SLC38A9: variants seen among roughly 807,000 people sequenced by gnomAD.
SLC38A9 encodes the protein neutral amino acid transporter 9.
Under a neutral mutation model 62.3 loss-of-function variants are expected in SLC38A9, and 48 were observed. That is an observed-to-expected ratio of 0.77 (90% CI 0.61 to 0.98). The LOEUF (loss-of-function observed/expected upper bound fraction) is 0.98, where lower values mean the gene tolerates loss of function less well. SLC38A9 is among the 50% of genes least tolerant of loss of function. SLC38A9 has a pLI of 0.00. For missense variants in SLC38A9, 541 were observed against 679.8 expected, an observed-to-expected ratio of 0.80 and a Z score of 2.27; for synonymous variants, 204 against 227.7, an observed-to-expected ratio of 0.90 and a Z score of 0.94.
intron 3 of SLC38A9, among the ~76,000 whole-genome samples, chr5:55,677,926 T>TTGTGTGTGTG (rs10682261): frequency 0.021 from 2,405 of 112,154 alleles, 108 homozygotes; most frequent in Admixed American, 0.073. Context: ...TTTTTCTTTA[T>TTGTGTGTGTG]TGTGTGTGTG....
At chr5:55,639,272 T>TTAAAAAAAAAAAAAAAA (rs1391586466) in intron 12 of SLC38A9, among the ~76,000 whole-genome samples, 1 of 54,650 alleles carries the variant, frequency 1.8e-5, no homozygotes, top group African/African-American at 6.9e-5. Context: ...AAACTCTGTC[T>TTAAAAAAAAAAAAAAAA]AAAAAAAAAA....
At chr5:55,646,403 A>G (rs907366081) in intron 11 of SLC38A9, among the ~76,000 whole-genome samples, 5 of 152,174 alleles carry the variant, frequency 3.3e-5, no homozygotes, top group African/African-American at 1.2e-4. Flanking sequence ...CAGGTGCTTT[A>G]TATCAATTAT....
At chr5:55,689,135 A>C (rs1477337200) in intron 3 of SLC38A9, among the ~76,000 whole-genome samples, 1 of 152,220 alleles carries the variant, frequency 6.6e-6, no homozygotes, top group East Asian at 1.9e-4. Flanking sequence ...ATAAACTATA[A>C]ACTACTGAAG....
intron 4 of SLC38A9, 63 bp from the exon 5 acceptor site, chr5:55,669,942 C>T (rs1751024913): frequency 9.6e-6 from 14 of 1,455,688 alleles, no homozygotes; most frequent in Non-Finnish European, 1.3e-5. Flanking sequence ...ATATTTGTTA[C>T]ACATCAGAAC....
chr5:55,688,849 CA>C (rs1561418315), intron 3 of SLC38A9, among the ~76,000 whole-genome samples: 1 of 152,046 alleles, frequency 6.6e-6, no homozygotes, highest in Non-Finnish European at 1.5e-5. Context: ...TGTATTTTAA[CA>C]TGTAAATTCC....
intron 7 of SLC38A9, among the ~76,000 whole-genome samples, chr5:55,665,702 G>C (rs1750352825): frequency 6.6e-6 from 1 of 152,104 alleles, no homozygotes; most frequent in South Asian, 2.1e-4. Context: ...GGTGGCTCAG[G>C]TCTGTAATCC....
intron 3 of SLC38A9, among the ~76,000 whole-genome samples, chr5:55,687,646 C>G (rs574762727): frequency 2.0e-5 from 3 of 151,826 alleles, no homozygotes; most frequent in Admixed American, 2.0e-4. Flanking sequence ...TTGTAGAGAT[C>G]TTTCACTTCC....
intron 8 of SLC38A9, among the ~76,000 whole-genome samples, chr5:55,663,294 T>TA (rs1749919938): frequency 7.5e-5 from 1 of 13,342 alleles, no homozygotes; most frequent in Admixed American, 1.2e-3. Flanking sequence ...ACTCTGTCTC[T>TA]ACAAAAAAAA....
chr5:55,672,717 G>C, intron 3 of SLC38A9, 22 bp from the exon 4 acceptor site: 1 of 1,589,802 alleles, frequency 6.3e-7, no homozygotes, highest in Non-Finnish European at 8.5e-7. Flanking sequence ...ATATACACTT[G>C]ACAAAAAGTG....
At chr5:55,634,984 T>C (rs1394901847) in intron 13 of SLC38A9, 1 of 151,884 alleles carries the variant, frequency 6.6e-6, no homozygotes, top group Non-Finnish European at 1.5e-5. Context: ...CTTTTTTTTT[T>C]TTTTTAACCC....
intron 2 of SLC38A9, among the ~76,000 whole-genome samples, chr5:55,705,448 AAAAG>A (rs1246172862): frequency 8.6e-5 from 13 of 151,018 alleles, no homozygotes; most frequent in Admixed American, 2.6e-4. Context: ...ACAAAAAAAA[AAAAG>A]AAAGAAAGAA....
intron 3 of SLC38A9, among the ~76,000 whole-genome samples, chr5:55,688,601 C>T (rs1373018428): frequency 1.3e-5 from 2 of 151,982 alleles, no homozygotes; most frequent in East Asian, 1.9e-4. Context: ...AGGATGGTCT[C>T]GATCTCCTGA....
chr5:55,664,606 G>T, intron 8 of SLC38A9, 87 bp downstream of exon 8: 1 of 704,130 alleles, frequency 1.4e-6, no homozygotes, highest in Non-Finnish European at 2.1e-6. Context: ...TTTATCCCAA[G>T]TCCTAGAATT....
At chr5:55,637,317 T>A (rs556190593) in intron 12 of SLC38A9, among the ~76,000 whole-genome samples, 1 of 152,326 alleles carries the variant, frequency 6.6e-6, no homozygotes. Context: ...AAGGCTATGG[T>A]GCACAGCTTC....
chr5:55,692,702 C>T, intron 3 of SLC38A9: 4 of 984,932 alleles, frequency 4.1e-6, no homozygotes, highest in Non-Finnish European at 4.8e-6. Context: ...TTACAGAGAA[C>T]TGTTTGAACT....
At chr5:55,628,355 T>G (rs1411951131) in intron 14 of SLC38A9, among the ~76,000 whole-genome samples, 1 of 152,166 alleles carries the variant, frequency 6.6e-6, no homozygotes, top group Non-Finnish European at 1.5e-5. Context: ...AAGACAATAA[T>G]TTACTTGACA....
chr5:55,710,735 C>T (rs1412026749), intron 2 of SLC38A9, among the ~76,000 whole-genome samples: 3 of 151,860 alleles, frequency 2.0e-5, no homozygotes, highest in Non-Finnish European at 4.4e-5. Flanking sequence ...CCTGCCTCAG[C>T]CTCCTGAGTA....
At chr5:55,684,720 C>T (rs187128338) in intron 3 of SLC38A9, among the ~76,000 whole-genome samples, 60 of 152,332 alleles carry the variant, frequency 3.9e-4, no homozygotes, top group East Asian at 1.3e-3. Context: ...GCGGTGCAAT[C>T]TCAGCTCACT....
chr5:55,677,428 A>G (rs1429405629), intron 3 of SLC38A9, among the ~76,000 whole-genome samples: 1 of 152,210 alleles, frequency 6.6e-6, no homozygotes, highest in South Asian at 2.1e-4. Context: ...TAATCAGTCC[A>G]GAAAGACTTC....
Sources: gnomAD v4.1 joint callset for allele counts (sites outside exome capture counted in the v4.1 genomes callset) on GRCh38, gnomAD v4.1.1 for gene constraint, MANE v1.5 for transcripts, NCBI Gene and HGNC (gene_info 2026-07-23, HGNC 2026-07-21) for gene names.